KLF13: variants seen among roughly 807,000 people sequenced by gnomAD.
The protein encoded by KLF13 is KLF transcription factor 13.
A neutral mutation model predicts 16.7 loss-of-function variants in KLF13; 8 were observed. The observed-to-expected ratio is 0.48, with a 90% CI of 0.28 to 0.87. The LOEUF (loss-of-function observed/expected upper bound fraction) is 0.87. KLF13 is among the 40% of genes least tolerant of loss of function. The probability of loss-of-function intolerance (pLI) is 0.10; values close to 1 mark genes in which losing one functional copy is unlikely to be tolerated. For missense variants in KLF13, 447 were observed against 452.2 expected (o/e 0.99, Z 0.10); for synonymous variants, 245 against 208.4 (o/e 1.18, Z -1.51).
At chr15:31,430,284 A>G (rs1031180910) in intron 1 of KLF13, among the ~76,000 whole-genome samples, 2 of 152,236 alleles carry the variant, frequency 1.3e-5, no homozygotes, top group Admixed American at 6.5e-5. Context: ...AAGTACACCT[A>G]AAAATCAATA....
At chr15:31,389,774 C>A (rs2039836804), upstream of KLF13, among the ~76,000 whole-genome samples, 1 of 152,118 alleles carries the variant, frequency 6.6e-6, no homozygotes, top group South Asian at 2.1e-4. Context: ...GCCTCTACAC[C>A]CCTAGGCAGT....
intron 1 of KLF13, among the ~76,000 whole-genome samples, chr15:31,412,905 A>C (rs1377770794): frequency 2.6e-5 from 4 of 152,230 alleles, no homozygotes; most frequent in Non-Finnish European, 5.9e-5. Flanking sequence ...GATAGTTTTC[A>C]GGACAGAACT....
At chr15:31,344,001 A>G (rs2039072353) in intron 1 of KLF13, among the ~76,000 whole-genome samples, 1 of 152,218 alleles carries the variant, frequency 6.6e-6, no homozygotes, top group African/African-American at 2.4e-5. Context: ...CAAGTGGCCC[A>G]TGCCTGGTTG....
intron 1 of KLF13, among the ~76,000 whole-genome samples, chr15:31,411,632 C>T (rs1281148329): frequency 6.7e-6 from 1 of 150,342 alleles, no homozygotes; most frequent in Admixed American, 6.6e-5. Flanking sequence ...GTCTCCATGT[C>T]CTGATCTTGT....
At chr15:31,405,073 C>G (rs995115063), downstream of KLF13, among the ~76,000 whole-genome samples, 1 of 152,150 alleles carries the variant, frequency 6.6e-6, no homozygotes, top group Admixed American at 6.5e-5. Context: ...GAGTTTCACC[C>G]CACTGTGATG....
chr15:31,346,317 C>T (rs2039115814), intron 1 of KLF13, among the ~76,000 whole-genome samples: 1 of 152,246 alleles, frequency 6.6e-6, no homozygotes, highest in African/African-American at 2.4e-5. Flanking sequence ...GCCCTTTGCC[C>T]TGGCCACAGG....
At chr15:31,362,834 T>G (rs1354707443) in intron 1 of KLF13, among the ~76,000 whole-genome samples, 1 of 152,226 alleles carries the variant, frequency 6.6e-6, no homozygotes. Context: ...AACCTTGTTT[T>G]CCTCACTCAG....
chr15:31,327,211 G>A lies in KLF13; in HGVS notation c.-2G>A. The A allele has an allele frequency of 7.6e-7, 1 of 1,321,614 alleles. No individual in the cohort carries two copies. Among genetic ancestry groups the A allele is most frequent in the Non-Finnish European group, 9.7e-7 (1 of 1,034,534 alleles). The allele number at this position is 1,321,614 out of a possible 1,614,324, so 81.9% of individuals were successfully genotyped here. On this transcript the variant is annotated 5_prime_UTR_variant, in exon 1 of 2. Coordinates refer to ENST00000307145, the MANE Select transcript of KLF13 (RefSeq NM_015995.4). ...GCACCGCCGCCGGCCCCAGCCCGCAGCATGGCAGCCGCCGCCTATGTGGAC... is the reference window on the plus strand; with the variant it reads ...GCACCGCCGCCGGCCCCAGCCCGCAACATGGCAGCCGCCGCCTATGTGGAC...
chr15:31,411,266 T>A (rs1388935562), intron 1 of KLF13, among the ~76,000 whole-genome samples: 1 of 152,220 alleles, frequency 6.6e-6, no homozygotes, highest in Non-Finnish European at 1.5e-5. Flanking sequence ...AAATCTTTTT[T>A]TTCTGTTTCA....
upstream of KLF13, among the ~76,000 whole-genome samples, chr15:31,389,580 C>G (rs943765522): frequency 2.0e-5 from 3 of 152,220 alleles, no homozygotes; most frequent in African/African-American, 7.2e-5. Context: ...AGCTCTTACT[C>G]CCCTATATTT....
downstream of KLF13, among the ~76,000 whole-genome samples, chr15:31,405,124 C>T (rs771903733): frequency 2.0e-5 from 3 of 152,094 alleles, no homozygotes; most frequent in East Asian, 3.8e-4. Flanking sequence ...CTAGGTCATG[C>T]GAGCAGAGCT....
chr15:31,361,917 C>T (rs1288784917), intron 1 of KLF13, among the ~76,000 whole-genome samples: 1 of 151,504 alleles, frequency 6.6e-6, no homozygotes, highest in Non-Finnish European at 1.5e-5. Context: ...TCTTTCTTCC[C>T]TCCCTCCCTC....
chr15:31,413,206 A>AAAAAAAAAAAAAC (rs1566843740), intron 1 of KLF13, among the ~76,000 whole-genome samples: 111 of 145,434 alleles, frequency 7.6e-4, no homozygotes, highest in East Asian at 1.2e-3. Flanking sequence ...AAAAAAACAA[A>AAAAAAAAAAAAAC]AAACAAAAAA....
At chr15:31,360,532 G>T (rs1026266769) in intron 1 of KLF13, among the ~76,000 whole-genome samples, 2 of 152,190 alleles carry the variant, frequency 1.3e-5, no homozygotes, top group African/African-American at 2.4e-5. Context: ...AAAGGGTAGG[G>T]GTAACTTGCT....
chr15:31,358,977 T>G (rs1039438643), intron 1 of KLF13, among the ~76,000 whole-genome samples: 1 of 152,228 alleles, frequency 6.6e-6, no homozygotes, highest in Non-Finnish European at 1.5e-5. Flanking sequence ...TCAGGGAAGA[T>G]GCTTCTGGCT....
At chr15:31,352,689 C>G (rs1352883077) in intron 1 of KLF13, among the ~76,000 whole-genome samples, 1 of 152,254 alleles carries the variant, frequency 6.6e-6, no homozygotes, top group African/African-American at 2.4e-5. Context: ...GTGTGCTTCC[C>G]AGCTCTGAAT....
chr15:31,417,264 A>C lies in KLF13; in HGVS notation n.118-18106A>C, dbSNP rs562154666. On this transcript the variant is annotated intron_variant and non_coding_transcript_variant, in intron 1 of 1. Coordinates refer to the KLF13 transcript ENST00000558225. ...ATCCCCAGCACTTTGGGAGGCCGAG[A>C]TGGGAGGATCACTTGAGGTCAGGAG... 8.5e-5 allele frequency among the ~76,000 whole-genome samples: 13 copies of C among 152,148 alleles called. No individual in the cohort carries two copies. In the South Asian group the frequency reaches 1.5e-3, roughly 17 times the overall value.
chr15:31,431,238 A>G (rs1297760957), intron 1 of KLF13, among the ~76,000 whole-genome samples: 2 of 152,060 alleles, frequency 1.3e-5, no homozygotes, highest in Non-Finnish European at 1.5e-5. Context: ...TGGCACCTTG[A>G]TCTCAGACTT....
Position 31,401,515 on chromosome 15 carries a change from G to A in KLF13, n.530-1913G>A, listed in dbSNP as rs938382710. On this transcript the variant is annotated intron_variant and non_coding_transcript_variant, in intron 2 of 2. Transcript: ENST00000500533. ...AGGGTGTGCCTAAGGCTTGCATCCC[G>A]CCCTCTGGGCACAGGGCCTGTGCTT... is the stretch of plus-strand genomic sequence containing the variant. 3.9e-5 allele frequency among the ~76,000 whole-genome samples: 6 copies of A among 152,314 alleles called. No individual in the cohort carries two copies. The South Asian group carries it at 1.2e-3, about 32-fold the overall frequency.
Sources: allele counts gnomAD v4.1 joint callset (sites outside exome capture counted in the v4.1 genomes callset), GRCh38; gene constraint gnomAD v4.1.1; transcripts MANE v1.5; gene names NCBI Gene and HGNC (gene_info 2026-07-23, HGNC 2026-07-21).